SCN7A: variants seen among roughly 807,000 people sequenced by gnomAD.
SCN7A encodes the protein sodium voltage-gated channel alpha subunit 7.
A neutral mutation model predicts 155.2 loss-of-function variants in SCN7A; 138 were observed. The observed-to-expected ratio is 0.89, with a 90% CI of 0.77 to 1.02. The LOEUF (loss-of-function observed/expected upper bound fraction) is 1.02. SCN7A is among the 50% of genes least tolerant of loss of function. The pLI, the probability that SCN7A is intolerant of heterozygous loss-of-function variation, is 0.00. For synonymous variants in SCN7A, 693 were observed against 649.0 expected (o/e 1.07, Z -1.03); for missense variants, 2,058 against 1,986.6 (o/e 1.04, Z -0.68).
chr2:166,447,190 T>C (rs1469748621), intron 12 of SCN7A, among the ~76,000 whole-genome samples: 3 of 152,138 alleles, frequency 2.0e-5, no homozygotes, highest in South Asian at 2.1e-4. Context: ...ATATGGAACA[T>C]AGTTGAGAAC....
intron 15 of SCN7A, among the ~76,000 whole-genome samples, chr2:166,436,042 T>C (rs1701831095): frequency 6.6e-6 from 1 of 152,184 alleles, no homozygotes; most frequent in Non-Finnish European, 1.5e-5. Flanking sequence ...GCTAAATGAT[T>C]ACATTTAAGT....
intron 20 of SCN7A, 121 bp from the exon 21 acceptor site, chr2:166,417,106 T>G: frequency 2.7e-6 from 2 of 752,260 alleles, no homozygotes; most frequent in Non-Finnish European, 4.2e-6. Flanking sequence ...TAAAAGGCCA[T>G]ATCTAAAGAT....
In SCN7A at chr2:166,456,803, AATATATATATATATAT is replaced by A. The variant is rs61576399; in HGVS notation, c.1290+51_1290+66del. On this transcript the variant is annotated intron_variant, in intron 11 of 25. Coordinates refer to ENST00000643258, the MANE Select transcript of SCN7A (RefSeq NM_002976.4). ...TAAATGATTGCTGTTTCAAGACTAAAATATATATATATATATATATATATATAGATAGATAGATAGA... is the reference window on the plus strand; with the variant it reads ...TAAATGATTGCTGTTTCAAGACTAAAATATATATATAGATAGATAGATAGA... 1.9e-3 allele frequency: 986 copies of A among 506,288 alleles called. 15 individuals carry two copies. The highest frequency in any genetic ancestry group is 2.7e-3 in the Non-Finnish European group (877 of 327,334). The allele number at this position is 506,288 out of a possible 1,614,324, so 31.4% of individuals were successfully genotyped here.
At position 166,409,807 on chromosome 2, in the gene SCN7A, G is replaced by A; in HGVS notation, c.3840C>T (p.Ser1280=). The A allele has an allele frequency of 6.4e-7, 1 of 1,573,324 alleles. No individual in the cohort carries two copies. The highest frequency in any genetic ancestry group is 8.6e-7 in the Non-Finnish European group (1 of 1,157,078). The change falls in exon 25 of 26, where the codon TCC becomes TCT. Residue 1280 remains serine (S), a synonymous_variant. Coordinates refer to ENST00000643258, the MANE Select transcript of SCN7A (RefSeq NM_002976.4). ...IDTDVQSLQM[S]IALYWINSIF... is the part of the protein sequence containing the mutation. ...TTGAGTTAATCCAGTAGAGAGCAATGGACATTTGTAGACTCTGAACATCAG... is the reference window on the plus strand; with the variant it reads ...TTGAGTTAATCCAGTAGAGAGCAATAGACATTTGTAGACTCTGAACATCAG...
Position 166,465,786 on chromosome 2 carries a change from A to G in SCN7A, c.866T>C (p.Ile289Thr), listed in dbSNP as rs750093314. The G allele has an allele frequency of 1.9e-6, 3 of 1,613,746 alleles. No homozygotes were observed. The South Asian group carries it at 3.3e-5, about 18-fold the overall frequency. ...CATGGCAAGGTGATTCTTACCTCGA[A>G]TATAATATGGGTTTCCAGTTCTGTT... ...LHNRTGNPYY[I>T]RETENFYYLE... Residue 289 changes from isoleucine (I) to threonine (T), a missense_variant, in exon 8 of 26, where the codon ATT (isoleucine) becomes ACT (threonine). Physicochemically the swap from Ile to Thr is moderately conservative, Grantham distance 89. Coordinates refer to ENST00000643258, the MANE Select transcript of SCN7A (RefSeq NM_002976.4).
chr2:166,469,275 T>C (rs570036235), intron 7 of SCN7A, among the ~76,000 whole-genome samples: 1 of 151,838 alleles, frequency 6.6e-6, no homozygotes, highest in South Asian at 2.1e-4. Context: ...CTTATAATAC[T>C]ATTTTACGGC....
chr2:166,419,517 A>C (rs1027734310), intron 20 of SCN7A, among the ~76,000 whole-genome samples: 1 of 151,750 alleles, frequency 6.6e-6, no homozygotes, highest in Non-Finnish European at 1.5e-5. Flanking sequence ...ACACTTGCAC[A>C]CACCACACCT....
chr2:166,470,915 T>C (rs1482942266), intron 6 of SCN7A, among the ~76,000 whole-genome samples: 1 of 151,854 alleles, frequency 6.6e-6, no homozygotes, highest in Non-Finnish European at 1.5e-5. Context: ...TTAATCTATA[T>C]TATGAGAGTT....
At chr2:166,422,517 C>G (rs1701532078) in intron 19 of SCN7A, among the ~76,000 whole-genome samples, 1 of 151,998 alleles carries the variant, frequency 6.6e-6, no homozygotes, top group Admixed American at 6.6e-5. Context: ...AGCCAAGGTT[C>G]CAGCTGGAAG....
intron 15 of SCN7A, chr2:166,436,354 C>G: frequency 2.4e-6 from 1 of 425,302 alleles, no homozygotes; most frequent in Non-Finnish European, 4.7e-6. Context: ...CACCTTCACT[C>G]TGCACTTCTC....
At chr2:166,409,000 C>T (rs1441681680) in intron 25 of SCN7A, among the ~76,000 whole-genome samples, 1 of 151,930 alleles carries the variant, frequency 6.6e-6, no homozygotes, top group Non-Finnish European at 1.5e-5. Flanking sequence ...TGCTGTGTTG[C>T]TGCAGCACCC....
chr2:166,412,506 T>C (rs1432933668), intron 23 of SCN7A, 24 bp downstream of exon 23: 3 of 1,398,526 alleles, frequency 2.1e-6, no homozygotes, highest in South Asian at 1.7e-5. Flanking sequence ...AGACATTGGA[T>C]AAACAAATAA....
In SCN7A at chr2:166,425,930, G is replaced by A. The variant is rs183720881; in HGVS notation, c.2853+1858C>T. Among the ~76,000 whole-genome samples the A allele has an allele frequency of 3.1e-3, 473 of 151,784 alleles. 8 individuals are homozygous for A. Among genetic ancestry groups the A allele is most frequent in the Non-Finnish European group, 5.0e-3 (338 of 67,882 alleles). ...TCAAAGGGGATAGAATGTGAAGCTG[G>A]ATAAAAGGAATAATGTGTTGACATG... On this transcript the variant is annotated intron_variant, in intron 18 of 25. Transcript: ENST00000643258.
intron 15 of SCN7A, among the ~76,000 whole-genome samples, chr2:166,434,931 T>TA (rs1701806883): frequency 6.6e-6 from 1 of 152,168 alleles, no homozygotes; most frequent in South Asian, 2.1e-4. Context: ...ATAGAAAGAA[T>TA]AAAAAATAGA....
rs1355445923 is a variant in SCN7A at position 166,456,979 on chromosome 2, G to A, written c.1181C>T (p.Ala394Val). 1 of 1,606,724 alleles carries A rather than the reference G, an allele frequency of 6.2e-7. No homozygotes were observed. Among genetic ancestry groups the A allele is most frequent in the East Asian group, 2.2e-5 (1 of 44,686 alleles). ...CTGCTTTTCTTCTTCATAGGCCATG[G>A]CAAGTATGCCTAAGAACAAACTTGC... is the stretch of plus-strand genomic sequence containing the variant. ...YMASLFLGIL[A>V]MAYEEEKQRV... The change falls in exon 11 of 26, where the codon GCC (alanine) becomes GTC (valine). Residue 394 changes from alanine (A) to valine (V), a missense_variant. Coordinates refer to ENST00000643258, the MANE Select transcript of SCN7A (RefSeq NM_002976.4).
chr2:166,429,047 T>G (rs923997579), intron 17 of SCN7A, 122 bp downstream of exon 17: 67 of 575,514 alleles, frequency 1.2e-4, no homozygotes, highest in Middle Eastern at 4.6e-4. Flanking sequence ...ACATTTAACA[T>G]GAATATTAAG....
At chr2:166,413,825 G>A (rs918204525) in intron 21 of SCN7A, among the ~76,000 whole-genome samples, 10 of 149,844 alleles carry the variant, frequency 6.7e-5, no homozygotes, top group Non-Finnish European at 1.5e-4. Flanking sequence ...GATGCTTCCT[G>A]CCCTCAAACA....
chr2:166,481,441 T>G lies in SCN7A; in HGVS notation c.-14-3731A>C, dbSNP rs191307524. Among the ~76,000 whole-genome samples, 220 of 152,298 alleles carry G rather than the reference T, an allele frequency of 1.4e-3. 2 individuals carry two copies. Among genetic ancestry groups the G allele is most frequent in the African/African-American group, 5.2e-3 (216 of 41,556 alleles). ...TACAAAAAAATATAATAGAAATACT[T>G]GTAAAACTTCAAAATTTGGACTAAA... On this transcript the variant is annotated intron_variant, in intron 2 of 25. Coordinates refer to ENST00000643258, the MANE Select transcript of SCN7A (RefSeq NM_002976.4).
intron 15 of SCN7A, among the ~76,000 whole-genome samples, 171 bp from the exon 16 acceptor site, chr2:166,432,923 T>C (rs1701764936): frequency 1.3e-5 from 2 of 152,096 alleles, no homozygotes; most frequent in African/African-American, 4.8e-5. Context: ...GTACAATGCA[T>C]CTTTTGAACT....
Sources: allele counts gnomAD v4.1 joint callset (sites outside exome capture counted in the v4.1 genomes callset), GRCh38; gene constraint gnomAD v4.1.1; transcripts MANE v1.5; gene names NCBI Gene and HGNC (gene_info 2026-07-23, HGNC 2026-07-21).